The following SCN8A variants were observed in gnomAD, a reference collection of about 807,000 sequenced individuals.
SCN8A encodes the protein sodium channel protein type 8 subunit alpha.
SCN8A carries 30 observed loss-of-function variants against 184.1 expected under a neutral mutation model. The observed-to-expected ratio is 0.16, with a 90% CI of 0.12 to 0.22. The LOEUF is 0.22. SCN8A is among the 10% of genes least tolerant of loss of function. SCN8A has a pLI of 1.00. For missense variants in SCN8A, 1,057 were observed against 2,498.9 expected, an observed-to-expected ratio of 0.42 and a Z score of 12.30; for synonymous variants, 852 against 907.0, an observed-to-expected ratio of 0.94 and a Z score of 1.09.
At chr12:51,649,559 A>G (rs774382006) in intron 1 of SCN8A, among the ~76,000 whole-genome samples, 20 of 152,222 alleles carry the variant, frequency 1.3e-4, no homozygotes, top group Non-Finnish European at 2.6e-4. Flanking sequence ...TCGCAGGCTC[A>G]ACACCACATG....
At chr12:51,591,902 C>T (rs1180051512) in intron 1 of SCN8A, among the ~76,000 whole-genome samples, 1 of 152,124 alleles carries the variant, frequency 6.6e-6, no homozygotes, top group African/African-American at 2.4e-5. Context: ...ACTCCCGACT[C>T]CCTCTGTCCT....
chr12:51,785,552 G>A (rs1463016950), intron 21 of SCN8A, among the ~76,000 whole-genome samples: 1 of 152,194 alleles, frequency 6.6e-6, no homozygotes, highest in Non-Finnish European at 1.5e-5. Context: ...AAAACCAGAA[G>A]ATAAGGAAAC....
chr12:51,723,228 A>G (rs147670030), intron 12 of SCN8A: 9 of 152,404 alleles, frequency 5.9e-5, no homozygotes, highest in African/African-American at 2.2e-4. Context: ...TCGCACCTGT[A>G]ATCCCAGCAC....
intron 11 of SCN8A, among the ~76,000 whole-genome samples, chr12:51,720,466 GA>G (rs1200606454): frequency 4.4e-4 from 55 of 126,066 alleles, no homozygotes; most frequent in African/African-American, 1.5e-3. Context: ...AGGGTTGGGG[GA>G]GGGGGGAGGG....
At chr12:51,633,781 T>C (rs1003898174) in intron 1 of SCN8A, among the ~76,000 whole-genome samples, 9 of 152,226 alleles carry the variant, frequency 5.9e-5, no homozygotes, top group African/African-American at 2.2e-4. Context: ...TTTATTTGAT[T>C]ATGATACTCT....
In SCN8A at chr12:51,702,759, C is replaced by T. The variant is rs1368744533; in HGVS notation, c.993-14C>T. 2 of 1,565,886 alleles carry T rather than the reference C, an allele frequency of 1.3e-6. No homozygotes were observed. The highest frequency in any genetic ancestry group is 3.7e-5 in the Admixed American group (2 of 54,126). ...TTATGTTGAAAAGTCCTGAACTTCC[C>T]TTTCTTTCTTTAGGCAATGCCCAGA... is the stretch of plus-strand genomic sequence containing the variant. On this transcript the variant is annotated splice_polypyrimidine_tract_variant and intron_variant, in intron 8 of 26. Transcript: ENST00000627620.
intron 1 of SCN8A, among the ~76,000 whole-genome samples, chr12:51,618,112 A>G (rs1939879666): frequency 6.6e-6 from 1 of 152,046 alleles, no homozygotes; most frequent in African/African-American, 2.4e-5. Context: ...TCTGCCTTTT[A>G]CTTCCTATGA....
intron 1 of SCN8A, among the ~76,000 whole-genome samples, chr12:51,648,104 A>C (rs577470660): frequency 1.3e-5 from 2 of 152,314 alleles, no homozygotes; most frequent in South Asian, 4.1e-4. Flanking sequence ...AAATACATCT[A>C]CAGGATTGGG....
intron 12 of SCN8A, among the ~76,000 whole-genome samples, chr12:51,740,237 G>C (rs867025780): frequency 1.3e-5 from 2 of 152,246 alleles, no homozygotes; most frequent in African/African-American, 2.4e-5. Flanking sequence ...TTTGGGGCCA[G>C]TTTATGGCCA....
intron 14 of SCN8A, among the ~76,000 whole-genome samples, chr12:51,757,335 G>T (rs1942691938): frequency 6.6e-6 from 1 of 151,280 alleles, no homozygotes; most frequent in Admixed American, 6.6e-5. Flanking sequence ...TGTCTCCATT[G>T]CAGTACACAT....
At chr12:51,736,323 G>A (rs1465854806) in intron 12 of SCN8A, among the ~76,000 whole-genome samples, 1 of 152,216 alleles carries the variant, frequency 6.6e-6, no homozygotes, top group Non-Finnish European at 1.5e-5. Flanking sequence ...ATGCAGCCCA[G>A]ACAAAGTGAG....
intron 26 of SCN8A, among the ~76,000 whole-genome samples, chr12:51,804,390 C>T (rs1318818747): frequency 1.3e-5 from 2 of 151,472 alleles, no homozygotes; most frequent in Non-Finnish European, 2.9e-5. Context: ...GTGATCTCAG[C>T]TCACTGCAAC....
In SCN8A at chr12:51,806,310, A is replaced by G. The variant is rs1565933813; in HGVS notation, c.4824A>G (p.Lys1608=). Residue 1608 remains lysine (K), a synonymous_variant, in exon 27 of 27, where the codon AAA becomes AAG. Coordinates refer to ENST00000627620, the MANE Select transcript of SCN8A (RefSeq NM_001330260.2). This position sits in a 1 kb window ranked among gnomAD's most constrained non-coding sequence, Gnocchi z 8.7. ...TGTTCCTGGCAGATATAATTGAGAA[A>G]TACTTTGTTTCCCCAACCCTATTCC... ...VGMFLADIIE[K]YFVSPTLFRV... 6.6e-7 allele frequency: 1 copy of G among 1,522,416 alleles called. No individual in the cohort carries two copies. The highest frequency in any genetic ancestry group is 2.1e-5 in the Admixed American group (1 of 46,610). 94.3% of individuals were successfully genotyped at this position (1,522,416 alleles called of 1,614,324 possible). A position where few individuals can be genotyped will look rare whatever the true frequency, so the allele number is the denominator to read the frequency against.
intron 20 of SCN8A, among the ~76,000 whole-genome samples, chr12:51,776,645 G>A (rs981425706): frequency 2.6e-5 from 4 of 152,282 alleles, no homozygotes; most frequent in Admixed American, 2.6e-4. Flanking sequence ...GGCTCCAATC[G>A]CTGCCGCTTT....
chr12:51,664,155 G>A (rs1445092867), intron 2 of SCN8A, among the ~76,000 whole-genome samples: 1 of 151,678 alleles, frequency 6.6e-6, no homozygotes, highest in Non-Finnish European at 1.5e-5. Flanking sequence ...TGTAAAGAAC[G>A]GTAGATTGGA....
chr12:51,770,154 T>A, intron 18 of SCN8A, 169 bp downstream of exon 18: 1 of 621,378 alleles, frequency 1.6e-6, no homozygotes, highest in Non-Finnish European at 2.8e-6. Flanking sequence ...TATTTGTATC[T>A]GACAAGTATA....
chr12:51,742,669 G>C (rs1269729908), intron 12 of SCN8A, among the ~76,000 whole-genome samples: 1 of 150,976 alleles, frequency 6.6e-6, no homozygotes, highest in East Asian at 1.9e-4. Context: ...TAGATGCCTT[G>C]AGGTAGTCTT....
At chr12:51,782,786 C>CA (rs1937963419) in intron 21 of SCN8A, among the ~76,000 whole-genome samples, 2 of 152,368 alleles carry the variant, frequency 1.3e-5, no homozygotes, top group African/African-American at 4.8e-5. Context: ...TTGGGAGCCA[C>CA]ACCTCTTCCC....
chr12:51,616,883 C>T (rs1007583531), intron 1 of SCN8A, among the ~76,000 whole-genome samples: 16 of 151,198 alleles, frequency 1.1e-4, no homozygotes, highest in Admixed American at 9.2e-4. Context: ...CATGCCACTG[C>T]ACTCCAGCCT....
Sources: allele counts gnomAD v4.1 joint callset (sites outside exome capture counted in the v4.1 genomes callset), GRCh38; gene constraint gnomAD v4.1.1; non-coding constraint Gnocchi (gnomAD v3.1); transcripts MANE v1.5; gene names NCBI Gene and HGNC (gene_info 2026-07-23, HGNC 2026-07-21).